The following ADRA1B variants were observed in gnomAD, a reference collection of about 807,000 sequenced individuals.
The protein encoded by ADRA1B is adrenoceptor alpha 1B.
Under a neutral mutation model 17.9 loss-of-function variants are expected in ADRA1B, and 17 were observed. The observed-to-expected ratio is 0.95, with a 90% confidence interval of 0.65 to 1.42. The LOEUF (loss-of-function observed/expected upper bound fraction) is 1.42, where lower values mean the gene tolerates loss of function less well. ADRA1B is among the 40% of genes most tolerant of loss of function. The probability of loss-of-function intolerance (pLI) is 0.00; values close to 1 mark genes in which losing one functional copy is unlikely to be tolerated. For missense variants in ADRA1B, 681 were observed against 722.1 expected (o/e 0.94, Z 0.65); for synonymous variants, 366 against 327.6 (o/e 1.12, Z -1.27).
intron 1 of ADRA1B, among the ~76,000 whole-genome samples, chr5:159,886,741 T>C (rs1192335360): frequency 6.6e-6 from 1 of 152,034 alleles, no homozygotes; most frequent in Non-Finnish European, 1.5e-5. Context: ...CGGAGTGTTG[T>C]GGTTATGAGC....
intron 1 of ADRA1B, among the ~76,000 whole-genome samples, chr5:159,884,864 A>G (rs1165948421): frequency 6.6e-6 from 1 of 152,262 alleles, no homozygotes; most frequent in Non-Finnish European, 1.5e-5. Flanking sequence ...CTGAAAAGGC[A>G]GATGCTTTGG....
intron 1 of ADRA1B, among the ~76,000 whole-genome samples, chr5:159,907,083 C>T (rs994127862): frequency 2.6e-5 from 4 of 152,132 alleles, no homozygotes; most frequent in Admixed American, 6.5e-5. Flanking sequence ...AAGGAAAATT[C>T]CTGTTGACAC....
At chr5:159,927,197 C>T (rs1754679373) in intron 1 of ADRA1B, among the ~76,000 whole-genome samples, 1 of 152,118 alleles carries the variant, frequency 6.6e-6, no homozygotes, top group Non-Finnish European at 1.5e-5. Flanking sequence ...TTGGCCCTTA[C>T]ATTCCCTCAC....
chr5:159,954,383 T>A (rs1190116622), intron 1 of ADRA1B, among the ~76,000 whole-genome samples: 3 of 152,094 alleles, frequency 2.0e-5, no homozygotes, highest in Non-Finnish European at 4.4e-5. Context: ...CTCTCTGGGA[T>A]CTCTTTTATA....
intron 1 of ADRA1B, among the ~76,000 whole-genome samples, chr5:159,911,259 C>T (rs1397308703): frequency 1.3e-5 from 2 of 152,190 alleles, no homozygotes; most frequent in African/African-American, 2.4e-5. Flanking sequence ...CACACACTCC[C>T]CTTCACCCTC....
At chr5:159,970,722 C>T (rs1256440604) in intron 1 of ADRA1B, among the ~76,000 whole-genome samples, 4 of 152,178 alleles carry the variant, frequency 2.6e-5, no homozygotes, top group Non-Finnish European at 5.9e-5. Flanking sequence ...GTCCCCACAC[C>T]CCACACCCCT....
chr5:159,879,239 G>A (rs1247046382), intron 1 of ADRA1B, among the ~76,000 whole-genome samples: 3 of 152,132 alleles, frequency 2.0e-5, no homozygotes, highest in African/African-American at 7.2e-5. Flanking sequence ...GAGATTGTCT[G>A]TTCACCGGGG....
At chr5:159,900,174 T>C (rs1180414244) in intron 1 of ADRA1B, among the ~76,000 whole-genome samples, 1 of 152,196 alleles carries the variant, frequency 6.6e-6, no homozygotes, top group Non-Finnish European at 1.5e-5. Flanking sequence ...GGAAATTCCC[T>C]CCACCTACCC....
At chr5:159,984,743 CAAA>C in the ADRA1B span, among the ~76,000 whole-genome samples, 1 of 125,602 alleles carries the variant, frequency 8.0e-6, no homozygotes, top group Non-Finnish European at 1.7e-5. Context: ...ACTAAAAATA[CAAA>C]AAAAAAAAAA....
At chr5:159,982,580 G>A in the ADRA1B span, among the ~76,000 whole-genome samples, 1 of 152,070 alleles carries the variant, frequency 6.6e-6, no homozygotes, top group South Asian at 2.1e-4. Flanking sequence ...GTTTCTAGGT[G>A]GCAGAGCCAG....
In ADRA1B at chr5:159,916,896, G is replaced by A. The variant is rs1754324618; in HGVS notation, c.-10G>A. The A allele has an allele frequency of 1.9e-6, 3 of 1,599,850 alleles. No individual in the cohort carries two copies. The highest frequency in any genetic ancestry group is 2.6e-6 in the Non-Finnish European group (3 of 1,171,954). ...AATCATCCCCCTGGCTATGGAGGGC[G>A]GACTCTAAGATGAATCCCGACCTGG... On this transcript the variant is annotated 5_prime_UTR_variant, in exon 1 of 2. Transcript: ENST00000306675.
chr5:159,921,909 T>C (rs529942141), intron 1 of ADRA1B, among the ~76,000 whole-genome samples: 1 of 152,338 alleles, frequency 6.6e-6, no homozygotes, highest in South Asian at 2.1e-4. Context: ...CTCTGAGATT[T>C]CAAAACACAG....
At chr5:159,955,172 T>G in intron 1 of ADRA1B, 1 of 985,298 alleles carries the variant, frequency 1.0e-6, no homozygotes, top group Non-Finnish European at 1.2e-6. Flanking sequence ...ACCCTGGAGA[T>G]GGTGTACCAG....
chr5:159,951,391 A>C, intron 1 of ADRA1B: 2 of 890,938 alleles, frequency 2.2e-6, no homozygotes, highest in Non-Finnish European at 3.7e-6. Flanking sequence ...AGGTCAATGA[A>C]GGGTCATTAA....
intron 1 of ADRA1B, among the ~76,000 whole-genome samples, chr5:159,929,627 A>ACC (rs919699779): frequency 6.6e-6 from 1 of 152,068 alleles, no homozygotes; most frequent in African/African-American, 2.4e-5. Context: ...TAGACTTAGG[A>ACC]CCACAGGGAA....
chr5:159,975,194 C>T (rs1755953672), downstream of ADRA1B, among the ~76,000 whole-genome samples: 1 of 152,100 alleles, frequency 6.6e-6, no homozygotes, highest in African/African-American at 2.4e-5. Flanking sequence ...TAAGATCAGC[C>T]CATAGTGGAG....
At chr5:159,882,285 G>A (rs1753871958) in intron 1 of ADRA1B, among the ~76,000 whole-genome samples, 1 of 152,146 alleles carries the variant, frequency 6.6e-6, no homozygotes, top group Non-Finnish European at 1.5e-5. Flanking sequence ...GAACCTCAAG[G>A]ACCAAAAGAG....
chr5:159,917,170 A>G lies in ADRA1B; in HGVS notation c.265A>G (p.Met89Val). The G allele has an allele frequency of 6.2e-7, 1 of 1,614,140 alleles. No individual in the cohort carries two copies. The highest frequency in any genetic ancestry group is 8.5e-7 in the Non-Finnish European group (1 of 1,180,034). Residue 89 changes from methionine (M) to valine (V), a missense_variant, in exon 1 of 2, where the codon ATG (methionine) becomes GTG (valine). Coordinates refer to ENST00000306675, the MANE Select transcript of ADRA1B (RefSeq NM_000679.4). Reference protein sequence around the residue: ...PTNYFIVNLAMADLLLSFTVL... With the variant: ...PTNYFIVNLAVADLLLSFTVL... ...CAACTACTTCATTGTCAACCTGGCC[A>G]TGGCCGACCTGCTGTTGAGCTTCAC...
chr5:159,876,081 C>G (rs1753799048), intron 1 of ADRA1B, among the ~76,000 whole-genome samples: 1 of 152,092 alleles, frequency 6.6e-6, no homozygotes, highest in Non-Finnish European at 1.5e-5. Flanking sequence ...CCCAGCTACT[C>G]ACGAGGCTGA....
Sources: gnomAD v4.1 joint callset for allele counts (sites outside exome capture counted in the v4.1 genomes callset) on GRCh38, gnomAD v4.1.1 for gene constraint, MANE v1.5 for transcripts, NCBI Gene and HGNC (gene_info 2026-07-23, HGNC 2026-07-21) for gene names.